The following GOSR1 variants were observed in gnomAD, a reference collection of about 807,000 sequenced individuals.
The protein encoded by GOSR1 is 28 kDa Golgi SNARE protein.
A neutral mutation model predicts 35.5 loss-of-function variants in GOSR1; 21 were observed. That is an observed-to-expected ratio of 0.59 (90% CI 0.42 to 0.85). The LOEUF (loss-of-function observed/expected upper bound fraction) is 0.85, where lower values mean the gene tolerates loss of function less well. Among genes scored for constraint, GOSR1 ranks in the 40% least tolerant of loss-of-function variants. The pLI is 0.00. For missense variants in GOSR1, 285 were observed against 309.6 expected, an observed-to-expected ratio of 0.92 and a Z score of 0.60; for synonymous variants, 94 against 106.6, an observed-to-expected ratio of 0.88 and a Z score of 0.73.
intron 6 of GOSR1, among the ~76,000 whole-genome samples, chr17:30,498,655 T>A (rs1021181075): frequency 2.0e-5 from 3 of 152,176 alleles, no homozygotes; most frequent in Non-Finnish European, 4.4e-5. Context: ...TAAATCCGTA[T>A]CATTCCTCAT....
chr17:30,509,410 G>A (rs1967533961), intron 6 of GOSR1, among the ~76,000 whole-genome samples: 1 of 152,204 alleles, frequency 6.6e-6, no homozygotes, highest in Admixed American at 6.5e-5. Context: ...CACCCGGCCG[G>A]TATTTATGAC....
In GOSR1 at chr17:30,525,830, A is replaced by G. The variant is rs1257832966; in HGVS notation, c.*3452A>G. The G allele has an allele frequency of 6.6e-6, 1 of 152,232 alleles. No homozygotes were observed. Among genetic ancestry groups the G allele is most frequent in the African/African-American group, 2.4e-5 (1 of 41,450 alleles). 9.4% of individuals were successfully genotyped at this position (152,232 alleles called of 1,614,324 possible). On this transcript the variant is annotated 3_prime_UTR_variant, in exon 9 of 9. Transcript: ENST00000451249. ...GTTATTTTCTTTATGAAAATAAACC[A>G]GTTCTTCCAAGGAAGTTAAAAGGCT...
At chr17:30,504,090 G>A (rs1396545716) in intron 6 of GOSR1, among the ~76,000 whole-genome samples, 5 of 149,648 alleles carry the variant, frequency 3.3e-5, no homozygotes, top group South Asian at 2.1e-4. Flanking sequence ...GCAATGGCAC[G>A]ATCTCGGCTC....
At chr17:30,505,776 T>G (rs1042576762) in intron 6 of GOSR1, among the ~76,000 whole-genome samples, 1 of 152,154 alleles carries the variant, frequency 6.6e-6, no homozygotes, top group Non-Finnish European at 1.5e-5. Flanking sequence ...GCCCCCAGGC[T>G]GGAGTGCAGT....
At chr17:30,510,374 G>C (rs1049049404) in intron 6 of GOSR1, among the ~76,000 whole-genome samples, 1 of 152,062 alleles carries the variant, frequency 6.6e-6, no homozygotes, top group African/African-American at 2.4e-5. Context: ...GTGCCTGGTC[G>C]TAAGATGGAA....
At chr17:30,518,817 C>T (rs1792135744) in intron 7 of GOSR1, among the ~76,000 whole-genome samples, 1 of 152,014 alleles carries the variant, frequency 6.6e-6, no homozygotes, top group Non-Finnish European at 1.5e-5. Context: ...ATGGCACATG[C>T]CTGTAGTCCC....
chr17:30,520,616 C>G (rs961035420), intron 8 of GOSR1, among the ~76,000 whole-genome samples: 1 of 152,186 alleles, frequency 6.6e-6, no homozygotes, highest in African/African-American at 2.4e-5. Context: ...ACCAGAAAAG[C>G]CTGGCACTCT....
At chr17:30,507,419 A>G (rs1454120213) in intron 6 of GOSR1, among the ~76,000 whole-genome samples, 1 of 152,230 alleles carries the variant, frequency 6.6e-6, no homozygotes, top group Non-Finnish European at 1.5e-5. Context: ...AACTAGAATT[A>G]GAAGTGGAGC....
At chr17:30,486,067 A>C (rs1027614179) in intron 4 of GOSR1, among the ~76,000 whole-genome samples, 1 of 152,078 alleles carries the variant, frequency 6.6e-6, no homozygotes, top group African/African-American at 2.4e-5. Flanking sequence ...ACTTTAATAC[A>C]AAAATGTATT....
At chr17:30,483,362 G>A (rs550772761) in intron 2 of GOSR1, among the ~76,000 whole-genome samples, 1 of 152,266 alleles carries the variant, frequency 6.6e-6, no homozygotes, top group African/African-American at 2.4e-5. Flanking sequence ...GAAGTTTAAT[G>A]AGCATCTACT....
chr17:30,483,176 A>G (rs942429828), intron 2 of GOSR1: 2 of 144,484 alleles, frequency 1.4e-5, no homozygotes, highest in Non-Finnish European at 3.0e-5. Flanking sequence ...TTCAAGGTCT[A>G]TGAATCATTA....
intron 4 of GOSR1, among the ~76,000 whole-genome samples, chr17:30,487,411 G>A (rs1446060436): frequency 6.6e-6 from 1 of 151,976 alleles, no homozygotes; most frequent in Non-Finnish European, 1.5e-5. Flanking sequence ...ACTTGATACT[G>A]GAAACCATAA....
intron 6 of GOSR1, among the ~76,000 whole-genome samples, chr17:30,499,407 T>C (rs906851607): frequency 2.9e-4 from 42 of 146,464 alleles, no homozygotes; most frequent in Admixed American, 3.5e-4. Flanking sequence ...AGTGGCGCAA[T>C]CTTGGCTCAC....
At chr17:30,484,370 T>C (rs1449188494) in intron 3 of GOSR1, 69 bp downstream of exon 3, 1 of 874,002 alleles carries the variant, frequency 1.1e-6, no homozygotes, top group Non-Finnish European at 2.0e-6. Flanking sequence ...TCCTGGATTA[T>C]ATTGAGACAG....
intron 6 of GOSR1, among the ~76,000 whole-genome samples, chr17:30,507,722 C>CAAAA (rs57856074): frequency 3.2e-5 from 4 of 125,600 alleles, no homozygotes; most frequent in African/African-American, 8.5e-5. Context: ...GACTCTGTCT[C>CAAAA]AAAAAAAAAA....
intron 6 of GOSR1, among the ~76,000 whole-genome samples, chr17:30,495,858 C>G (rs902406511): frequency 3.3e-5 from 5 of 152,238 alleles, no homozygotes; most frequent in African/African-American, 1.2e-4. Context: ...AGCAACTAGT[C>G]ATACAGATTA....
At chr17:30,490,544 C>A (rs1914976241) in intron 5 of GOSR1, among the ~76,000 whole-genome samples, 1 of 151,972 alleles carries the variant, frequency 6.6e-6, no homozygotes, top group Non-Finnish European at 1.5e-5. Context: ...TTTTATGATC[C>A]TCTGCAGATG....
In GOSR1 at chr17:30,520,035, A is replaced by G. The variant is rs1179503566; in HGVS notation, c.622+14A>G. 2 of 1,520,528 alleles carry G rather than the reference A, an allele frequency of 1.3e-6. No individual in the cohort carries two copies. Among genetic ancestry groups the G allele is most frequent in the Non-Finnish European group, 1.8e-6 (2 of 1,095,306 alleles). The allele number at this position is 1,520,528 out of a possible 1,614,324, so 94.2% of individuals were successfully genotyped here. On this transcript the variant is annotated intron_variant, in intron 8 of 8. Coordinates refer to ENST00000451249, the MANE Select transcript of GOSR1 (RefSeq NM_001007025.2). ...ACACTTTGGCCAGTATCCTTTTTGA[A>G]TGTTCGCAGTCTGTGTTTTGAGGGT... is the stretch of plus-strand genomic sequence containing the variant.
In GOSR1 at chr17:30,525,610, A is replaced by G. The variant is rs182224085; in HGVS notation, c.*3232A>G. On this transcript the variant is annotated 3_prime_UTR_variant, in exon 9 of 9. Transcript: ENST00000451249. ...ATTTATAAAATCTGAAGTATCATAA[A>G]TAAAGTTATTTATTTAATTATACTA... The G allele has an allele frequency of 1.1e-4, 17 of 152,320 alleles. No homozygotes were observed. Among genetic ancestry groups the G allele is most frequent in the Non-Finnish European group, 2.2e-4 (15 of 68,034 alleles). The allele number at this position is 152,320 out of a possible 1,614,324, so 9.4% of individuals were successfully genotyped here.
Sources: allele counts gnomAD v4.1 joint callset (sites outside exome capture counted in the v4.1 genomes callset), GRCh38; gene constraint gnomAD v4.1.1; transcripts MANE v1.5; gene names NCBI Gene and HGNC (gene_info 2026-07-23, HGNC 2026-07-21).